The following TNS3 variants were observed in gnomAD, a reference collection of about 807,000 sequenced individuals.
The protein encoded by TNS3 is tensin-3.
A neutral mutation model predicts 140.9 loss-of-function variants in TNS3; 45 were observed. That is an observed-to-expected ratio of 0.32 (90% CI 0.25 to 0.41). TNS3 has a LOEUF of 0.41. TNS3 is among the 10% of genes least tolerant of loss of function. The pLI is 1.00. For synonymous variants in TNS3, 815 were observed against 788.4 expected, an observed-to-expected ratio of 1.03 and a Z score of -0.56; for missense variants, 1,716 against 1,906.7, an observed-to-expected ratio of 0.90 and a Z score of 1.86.
chr7:47,298,324 C>A (rs116127002), intron 23 of TNS3, among the ~76,000 whole-genome samples: 2 of 152,208 alleles, frequency 1.3e-5, no homozygotes, highest in Non-Finnish European at 2.9e-5. Context: ...GGTCACCCAG[C>A]TTCCCTGGTG....
At chr7:47,446,213 G>A (rs1461099669) in intron 4 of TNS3, among the ~76,000 whole-genome samples, 3 of 151,882 alleles carry the variant, frequency 2.0e-5, no homozygotes, top group African/African-American at 7.3e-5. Context: ...CCAGGTTCAT[G>A]CCATTCTCCT....
At chr7:47,452,124 T>C (rs1434478126) in intron 4 of TNS3, among the ~76,000 whole-genome samples, 1 of 152,236 alleles carries the variant, frequency 6.6e-6, no homozygotes, top group Admixed American at 6.5e-5. Context: ...TAGCTACTTA[T>C]TCCATCATCT....
chr7:47,283,914 G>A (rs1232959711), intron 27 of TNS3, 49 bp from the exon 28 acceptor site: 24 of 1,487,092 alleles, frequency 1.6e-5, no homozygotes, highest in Non-Finnish European at 2.1e-5. Flanking sequence ...ATTGGGACAG[G>A]TGTGTCCTGT....
intron 8 of TNS3, among the ~76,000 whole-genome samples, chr7:47,429,281 T>A (rs1457867940): frequency 3.3e-5 from 5 of 152,198 alleles, no homozygotes; most frequent in Non-Finnish European, 7.4e-5. Flanking sequence ...TTTACCTACA[T>A]CCAGGGCTGC....
chr7:47,346,457 G>T, intron 17 of TNS3, 101 bp from the exon 18 acceptor site: 10 of 1,396,964 alleles, frequency 7.2e-6, no homozygotes, highest in Non-Finnish European at 9.8e-6. Context: ...GGTGCTGTAT[G>T]CTGCATCCTG....
intron 20 of TNS3, among the ~76,000 whole-genome samples, chr7:47,323,893 C>T (rs1280731105): frequency 6.6e-6 from 1 of 152,018 alleles, no homozygotes; most frequent in South Asian, 2.1e-4. Context: ...CACAGTAAGG[C>T]AGGAAAAGAG....
rs186214940 is a variant in TNS3 at position 47,460,188 on chromosome 7, G to A, written c.-75-18133C>T. ...AGATCGCACCACTGCACTCCAGCCCGGGCGACAGAGCAAGACTCTGTCCCA... is the reference window on the plus strand; with the variant it reads ...AGATCGCACCACTGCACTCCAGCCCAGGCGACAGAGCAAGACTCTGTCCCA... On this transcript the variant is annotated intron_variant, in intron 4 of 30. Transcript: ENST00000311160. 3.9e-3 allele frequency among the ~76,000 whole-genome samples: 565 copies of A among 145,236 alleles called. 9 individuals carry two copies. Among genetic ancestry groups the A allele is most frequent in the East Asian group, 5.5e-3 (27 of 4,900 alleles).
intron 13 of TNS3, among the ~76,000 whole-genome samples, chr7:47,405,052 G>C (rs1320740068): frequency 1.3e-5 from 2 of 152,162 alleles, no homozygotes; most frequent in Non-Finnish European, 2.9e-5. Context: ...CCTCAATCCA[G>C]TGTTTAAAGA....
At chr7:47,537,611 C>A (rs1337299447) in intron 1 of TNS3, among the ~76,000 whole-genome samples, 1 of 152,038 alleles carries the variant, frequency 6.6e-6, no homozygotes, top group African/African-American at 2.4e-5. Context: ...AGAACGCTGG[C>A]GAGGTGCTTA....
At chr7:47,459,657 C>T (rs2151681059) in intron 4 of TNS3, among the ~76,000 whole-genome samples, 1 of 152,198 alleles carries the variant, frequency 6.6e-6, no homozygotes, top group Admixed American at 6.5e-5. Flanking sequence ...TCAGAGGTCC[C>T]CAGGACATAA....
chr7:47,572,239 G>A (rs867234900), intron 1 of TNS3, among the ~76,000 whole-genome samples: 85 of 152,226 alleles, frequency 5.6e-4, no homozygotes, highest in African/African-American at 1.9e-3. Flanking sequence ...GGCGTTCTGA[G>A]AAGTCACTAC....
intron 28 of TNS3, 136 bp from the exon 29 acceptor site, chr7:47,280,490 A>T (rs1424095977): frequency 1.1e-5 from 9 of 821,646 alleles, no homozygotes; most frequent in Middle Eastern, 3.1e-4. Flanking sequence ...CATCACTTGG[A>T]GAGAAGAAAG....
chr7:47,351,556 G>A (rs896519087), intron 17 of TNS3, among the ~76,000 whole-genome samples: 3 of 152,132 alleles, frequency 2.0e-5, no homozygotes, highest in African/African-American at 7.2e-5. Context: ...CTAGGTCCAA[G>A]GTAGATGCCC....
At chr7:47,307,426 C>T (rs1786822303) in intron 20 of TNS3, among the ~76,000 whole-genome samples, 1 of 152,196 alleles carries the variant, frequency 6.6e-6, no homozygotes, top group Non-Finnish European at 1.5e-5. Flanking sequence ...GTTGTTGCCA[C>T]TATGGGGCTG....
chr7:47,453,082 T>C (rs548426064), intron 4 of TNS3: 6 of 985,524 alleles, frequency 6.1e-6, no homozygotes, highest in East Asian at 2.3e-4. Flanking sequence ...AGGAGGCAGC[T>C]GGAATAGCCC....
chr7:47,458,604 A>G (rs116267169), intron 4 of TNS3, among the ~76,000 whole-genome samples: 2,446 of 152,348 alleles, frequency 0.016, 70 homozygotes, highest in African/African-American at 0.055. Context: ...GGGGCTGCTC[A>G]AGCCACCTCC....
At chr7:47,545,243 G>T (rs150568972) in intron 1 of TNS3, among the ~76,000 whole-genome samples, 1 of 150,452 alleles carries the variant, frequency 6.6e-6, no homozygotes, top group Non-Finnish European at 1.5e-5. Flanking sequence ...AGGTTCAAGC[G>T]ATTCTCCTGC....
At chr7:47,579,196 G>C (rs934924804) in intron 1 of TNS3, 1 of 152,180 alleles carries the variant, frequency 6.6e-6, no homozygotes, top group Non-Finnish European at 1.5e-5. Context: ...GATCAACAAG[G>C]ATAGCAGCAG....
intron 15 of TNS3, among the ~76,000 whole-genome samples, chr7:47,399,138 C>T (rs993419621): frequency 2.9e-5 from 4 of 137,490 alleles, no homozygotes; most frequent in East Asian, 4.3e-4. Flanking sequence ...AAGATCCATA[C>T]GAGGAGAACT....
Sources: gnomAD v4.1 joint callset for allele counts (sites outside exome capture counted in the v4.1 genomes callset) on GRCh38, gnomAD v4.1.1 for gene constraint, MANE v1.5 for transcripts, NCBI Gene and HGNC (gene_info 2026-07-23, HGNC 2026-07-21) for gene names.